PARK7: variants seen among roughly 807,000 people sequenced by gnomAD.
The protein encoded by PARK7 is Parkinson disease protein 7.
In PARK7, 14 loss-of-function variants were observed where a neutral mutation model predicts 20.5. The ratio of observed to expected loss-of-function variants is 0.68; its 90% CI spans 0.45 to 1.07. The LOEUF (loss-of-function observed/expected upper bound fraction) is 1.07. Among genes scored for constraint, PARK7 ranks in the 50% least tolerant of loss-of-function variants. The probability of loss-of-function intolerance (pLI) is 0.00; values close to 1 mark genes in which losing one functional copy is unlikely to be tolerated. For missense variants in PARK7, 234 were observed against 238.1 expected, an observed-to-expected ratio of 0.98 and a Z score of 0.11; for synonymous variants, 98 against 84.3, an observed-to-expected ratio of 1.16 and a Z score of -0.89.
intron 2 of PARK7, among the ~76,000 whole-genome samples, chr1:7,964,604 T>C (rs190193759): frequency 2.0e-5 from 3 of 152,250 alleles, no homozygotes; most frequent in Admixed American, 6.5e-5. Context: ...TATCTAAAAG[T>C]AGAATGACTA....
At chr1:7,962,442 C>G (rs1176620845) in intron 1 of PARK7, among the ~76,000 whole-genome samples, 3 of 152,010 alleles carry the variant, frequency 2.0e-5, no homozygotes, top group African/African-American at 4.8e-5. Context: ...TGCAGGAGAC[C>G]CACGTACTTG....
rs750800796 is a variant in PARK7, at chr1:7,977,658, C to T, written c.329C>T (p.Thr110Ile). The T allele has an allele frequency of 6.2e-7, 1 of 1,613,552 alleles. No homozygotes were observed. Among genetic ancestry groups the T allele is most frequent in the African/African-American group, 1.3e-5 (1 of 74,924 alleles). Residue 110 changes from threonine to isoleucine, a missense_variant, in exon 6 of 7, where the codon ACT (threonine) becomes ATT (isoleucine). By Grantham distance (89) the Thr-to-Ile change is moderately conservative (BLOSUM62 -1). Coordinates refer to ENST00000338639, the MANE Select transcript of PARK7 (RefSeq NM_007262.5). ...TTTTTATTTTTATTCTTAGGTCCTA[C>T]TGCTCTGTTGGCTCATGAAATAGGT... ...GLIAAICAGPTALLAHEIGFG... is the reference protein window; with the variant it reads ...GLIAAICAGPIALLAHEIGFG...
intron 4 of PARK7, among the ~76,000 whole-genome samples, chr1:7,969,960 G>A (rs1322096963): frequency 6.6e-6 from 1 of 152,184 alleles, no homozygotes; most frequent in Non-Finnish European, 1.5e-5. Context: ...GGGAGGCTGA[G>A]ACAGGAGGAT....
At chr1:7,981,660 G>GTTTTTTTTTT (rs1245140194) in intron 6 of PARK7, among the ~76,000 whole-genome samples, 1 of 136,520 alleles carries the variant, frequency 7.3e-6, no homozygotes, top group Non-Finnish European at 1.6e-5. Flanking sequence ...TGTGTCTTTT[G>GTTTTTTTTTT]TTTTTTTTTT....
At chr1:7,979,982 AC>A (rs1487581471) in intron 6 of PARK7, among the ~76,000 whole-genome samples, 1 of 151,912 alleles carries the variant, frequency 6.6e-6, no homozygotes, top group African/African-American at 2.4e-5. Flanking sequence ...ACACGGTGAA[AC>A]CCCGTCTCTA....
rs1410420849 is a variant in PARK7 at position 7,984,574 on chromosome 1, T to C, written c.410-320T>C. Among the ~76,000 whole-genome samples the C allele has an allele frequency of 6.6e-6, 1 of 152,218 alleles. No homozygotes were observed. The highest frequency in any genetic ancestry group is 1.9e-4 in the East Asian group (1 of 5,194). On this transcript the variant is annotated intron_variant, in intron 6 of 6. Transcript: ENST00000338639. The surrounding 1 kb of genome is among the most constrained non-coding windows in gnomAD (Gnocchi z 4.3). ...TTCCCCGGCACTTCAGAATTGACAC[T>C]TGAGCTTTGTTGTAAATAGTGATGT...
At chr1:7,978,288 G>A (rs368962312) in intron 6 of PARK7, among the ~76,000 whole-genome samples, 5 of 151,578 alleles carry the variant, frequency 3.3e-5, no homozygotes, top group Admixed American at 6.6e-5. Context: ...GAGCCACCGC[G>A]CCCAGTCTCG....
At position 7,970,971 on chromosome 1, in the gene PARK7, G is replaced by A. The variant is rs1640453341; in HGVS notation, c.322+8G>A. 8.1e-6 allele frequency: 13 copies of A among 1,614,122 alleles called. No individual in the cohort carries two copies. Among genetic ancestry groups the A allele is most frequent in the Non-Finnish European group, 1.1e-5 (13 of 1,179,980 alleles). On this transcript the variant is annotated splice_region_variant and intron_variant, in intron 5 of 6. Transcript: ENST00000338639. ...TAGCCGCCATCTGTGCAGGTGACGT[G>A]CAGGGGCAGCCTGTGTTGCAGCGTC...
At chr1:7,969,093 T>G in intron 3 of PARK7, 1 of 432,112 alleles carries the variant, frequency 2.3e-6, no homozygotes, top group Non-Finnish European at 4.2e-6. Flanking sequence ...AGGAAGGAGA[T>G]TATACTACCC....
At chr1:7,982,535 T>G (rs761169462) in intron 6 of PARK7, among the ~76,000 whole-genome samples, 7 of 152,154 alleles carry the variant, frequency 4.6e-5, no homozygotes, top group Non-Finnish European at 8.8e-5. Context: ...GTTAAAAGTC[T>G]GACAAGAACC....
chr1:7,969,666 C>T (rs959475366), intron 4 of PARK7, among the ~76,000 whole-genome samples: 67 of 152,148 alleles, frequency 4.4e-4, no homozygotes, highest in South Asian at 1.4e-3. Context: ...CTGCAATCTC[C>T]GCCTCCTGGG....
intron 5 of PARK7, chr1:7,971,255 C>A (rs774053319): frequency 2.7e-5 from 12 of 448,114 alleles, no homozygotes; most frequent in African/African-American, 1.2e-4. Context: ...CAGCTTGTTA[C>A]AGCAAGTCTC....
intron 3 of PARK7, among the ~76,000 whole-genome samples, chr1:7,965,657 G>A (rs1050869875): frequency 7.2e-5 from 11 of 152,162 alleles, no homozygotes; most frequent in Admixed American, 2.6e-4. Flanking sequence ...GTAGGTGGCC[G>A]GTTGGATGTG....
chr1:7,975,346 C>G (rs916740759), intron 5 of PARK7, among the ~76,000 whole-genome samples: 7 of 152,082 alleles, frequency 4.6e-5, no homozygotes, highest in Non-Finnish European at 7.4e-5. Flanking sequence ...GGACAGTTGT[C>G]AGCTGAGATG....
At chr1:7,977,194 T>C (rs1376342552) in intron 5 of PARK7, among the ~76,000 whole-genome samples, 1 of 152,132 alleles carries the variant, frequency 6.6e-6, no homozygotes, top group Non-Finnish European at 1.5e-5. Context: ...CTGGTATATG[T>C]GGTCCCTGTT....
chr1:7,962,025 C>A (rs1010938194), intron 1 of PARK7: 1 of 152,270 alleles, frequency 6.6e-6, no homozygotes, highest in Non-Finnish European at 1.5e-5. Context: ...TTCTGCCTAA[C>A]CTCTCGCCGG....
chr1:7,983,995 G>A (rs1361321482), intron 6 of PARK7, among the ~76,000 whole-genome samples: 1 of 152,222 alleles, frequency 6.6e-6, no homozygotes, highest in Non-Finnish European at 1.5e-5. Flanking sequence ...TAAATAGAAT[G>A]CGGTGATAGA....
intron 6 of PARK7, among the ~76,000 whole-genome samples, chr1:7,981,231 G>A (rs1031452067): frequency 6.6e-5 from 10 of 152,132 alleles, no homozygotes; most frequent in Non-Finnish European, 1.3e-4. Flanking sequence ...TTCCTCATCC[G>A]TTGCCTGAGG....
intron 2 of PARK7, among the ~76,000 whole-genome samples, chr1:7,964,340 A>G (rs559233838): frequency 1.8e-4 from 28 of 152,310 alleles, no homozygotes; most frequent in African/African-American, 6.7e-4. Flanking sequence ...TAATGTACCC[A>G]CATCACGTAG....
Sources: gnomAD v4.1 joint callset for allele counts (sites outside exome capture counted in the v4.1 genomes callset) on GRCh38, gnomAD v4.1.1 for gene constraint, Gnocchi (gnomAD v3.1) non-coding constraint, MANE v1.5 for transcripts, NCBI Gene and HGNC (gene_info 2026-07-23, HGNC 2026-07-21) for gene names.